Variants in DOCK9 observed in about 807,000 individuals in gnomAD.
DOCK9 encodes dedicator of cytokinesis protein 9.
DOCK9 carries 89 observed loss-of-function variants against 263.3 expected under a neutral mutation model. The observed-to-expected ratio is 0.34, with a 90% CI of 0.28 to 0.40. DOCK9 has a LOEUF of 0.40. Among genes scored for constraint, DOCK9 ranks in the 10% least tolerant of loss-of-function variants. The pLI is 1.00. For synonymous variants in DOCK9, 976 were observed against 973.1 expected (o/e 1.00, Z -0.06); for missense variants, 2,140 against 2,603.4 (o/e 0.82, Z 3.87).
chr13:98,914,370 A>G lies in DOCK9; in HGVS notation c.918T>C (p.Gly306=). The part of the protein sequence containing the change: ...HEDDEQSKLE[G]SGSGLDSYLP... ...GGTAGCTATCTAAACCGGAACCAGA[A>G]CCTTCCAATTTGCTTTGTTCATCAT... The change falls in exon 9 of 53, where the codon GGT becomes GGC. Residue 306 remains glycine, a synonymous_variant. Transcript: ENST00000682017. 6.2e-7 allele frequency: 1 copy of G among 1,609,874 alleles called. No individual in the cohort carries two copies. The highest frequency in any genetic ancestry group is 8.5e-7 in the Non-Finnish European group (1 of 1,178,260).
At chr13:99,076,934 G>T (rs557397407) in intron 1 of DOCK9, among the ~76,000 whole-genome samples, 1 of 152,268 alleles carries the variant, frequency 6.6e-6, no homozygotes, top group East Asian at 1.9e-4. Flanking sequence ...GGGTGGATAG[G>T]CCAGGACATG....
intron 5 of DOCK9, 89 bp downstream of exon 5, chr13:98,923,212 TC>T (rs1206772475): frequency 5.4e-6 from 7 of 1,288,938 alleles, no homozygotes; most frequent in Non-Finnish European, 7.8e-6. Context: ...TGGCTAAATG[TC>T]GGTAATTTTC....
chr13:99,087,323 G>C (rs1363881336), upstream of DOCK9, among the ~76,000 whole-genome samples: 2 of 152,220 alleles, frequency 1.3e-5, no homozygotes. Context: ...GGCCAGCTGC[G>C]TCACCTTGGA....
chr13:98,919,917 C>T (rs201266034), intron 7 of DOCK9, among the ~76,000 whole-genome samples: 32 of 152,220 alleles, frequency 2.1e-4, no homozygotes, highest in East Asian at 5.8e-4. Flanking sequence ...CATCTTTCTG[C>T]TTTCACCCCC....
At chr13:99,041,917 C>T (rs780132788) in intron 1 of DOCK9, among the ~76,000 whole-genome samples, 1 of 152,242 alleles carries the variant, frequency 6.6e-6, no homozygotes, top group Non-Finnish European at 1.5e-5. Flanking sequence ...AAGAAAAATT[C>T]TCTCCTTAAG....
At position 98,879,895 on chromosome 13, in the gene DOCK9, T is replaced by C; in HGVS notation, c.2943+3A>G. On this transcript the variant is annotated splice_donor_region_variant and intron_variant, in intron 27 of 52. Transcript: ENST00000682017. ...ACACAAGCTTCCACTTGAAGTAACATACCTTAACTTTGGAGTTCTCTATCA... is the reference window on the plus strand; with the variant it reads ...ACACAAGCTTCCACTTGAAGTAACACACCTTAACTTTGGAGTTCTCTATCA... 3 of 1,603,952 alleles carry C rather than the reference T, an allele frequency of 1.9e-6. No individual in the cohort carries two copies. Among genetic ancestry groups the C allele is most frequent in the Non-Finnish European group, 2.5e-6 (3 of 1,177,102 alleles).
At chr13:98,941,448 G>A (rs1356078173) in intron 2 of DOCK9, among the ~76,000 whole-genome samples, 1 of 152,156 alleles carries the variant, frequency 6.6e-6, no homozygotes, top group African/African-American at 2.4e-5. Context: ...ATTTCATTCT[G>A]CCACCTTCTC....
upstream of DOCK9, among the ~76,000 whole-genome samples, chr13:98,978,457 G>C (rs1706403623): frequency 1.3e-5 from 2 of 152,160 alleles, no homozygotes; most frequent in Admixed American, 1.3e-4. Flanking sequence ...AGAGCTACCA[G>C]CAAGTATGTT....
rs2045054289 is a variant in DOCK9, at chr13:98,882,949, TCCAAGGGGTGAGAACACCACTCACCA to T, written c.2559+67_2559+92del. On this transcript the variant is annotated intron_variant, in intron 23 of 52. Transcript: ENST00000682017. Reference sequence around the variant, plus strand: ...GATGTGAGACATCCAGGTAAGAGCTTCCAAGGGGTGAGAACACCACTCACCACCAAAGAGAAAACCCAACCTACTCC... The same window carrying T: ...GATGTGAGACATCCAGGTAAGAGCTTCCAAAGAGAAAACCCAACCTACTCC... 3 of 1,037,160 alleles carry T rather than the reference TCCAAGGGGTGAGAACACCACTCACCA, an allele frequency of 2.9e-6. No homozygotes were observed. The African/African-American group carries it at 4.9e-5, about 17-fold the overall frequency. 64.2% of individuals were successfully genotyped at this position (1,037,160 alleles called of 1,614,324 possible).
intron 9 of DOCK9, among the ~76,000 whole-genome samples, chr13:98,909,150 A>C (rs1355282343): frequency 1.3e-5 from 2 of 152,208 alleles, no homozygotes; most frequent in African/African-American, 4.8e-5. Context: ...CAGAAAATGC[A>C]CAATGGCAGA....
chr13:99,068,629 C>T (rs1019227430), intron 1 of DOCK9, among the ~76,000 whole-genome samples: 4 of 151,618 alleles, frequency 2.6e-5, no homozygotes, highest in Non-Finnish European at 5.9e-5. Context: ...CAGTTTTTCA[C>T]GAACTCCACA....
intron 29 of DOCK9, 67 bp from the exon 30 acceptor site, chr13:98,867,603 A>T: frequency 9.6e-7 from 1 of 1,038,870 alleles, no homozygotes; most frequent in South Asian, 1.4e-5. Flanking sequence ...TAAAAAACCT[A>T]TTAGCAATAG....
intron 37 of DOCK9, chr13:98,846,682 C>T (rs1009266458): frequency 3.3e-6 from 2 of 611,944 alleles, no homozygotes; most frequent in South Asian, 3.0e-5. Flanking sequence ...GACACCTGTC[C>T]CCTGTCCCGG....
intron 1 of DOCK9, among the ~76,000 whole-genome samples, chr13:99,024,118 T>C (rs1305344805): frequency 2.0e-5 from 3 of 152,140 alleles, no homozygotes; most frequent in African/African-American, 4.8e-5. Flanking sequence ...AATAAATCCA[T>C]AAATGCTGAT....
At chr13:99,068,128 C>T (rs2041506768) in intron 1 of DOCK9, among the ~76,000 whole-genome samples, 1 of 152,144 alleles carries the variant, frequency 6.6e-6, no homozygotes, top group South Asian at 2.1e-4. Flanking sequence ...ATTCAAGAAA[C>T]CCTCATCTGC....
intron 1 of DOCK9, among the ~76,000 whole-genome samples, chr13:99,052,593 T>G (rs1056507767): frequency 2.0e-5 from 3 of 152,084 alleles, no homozygotes; most frequent in African/African-American, 4.8e-5. Context: ...GCCCTTTTTT[T>G]TGGGGAGGTT....
chr13:98,893,575 T>C (rs921698463), intron 15 of DOCK9, among the ~76,000 whole-genome samples: 1 of 152,222 alleles, frequency 6.6e-6, no homozygotes, highest in Non-Finnish European at 1.5e-5. Context: ...AAGTGGCTTA[T>C]GAGCTTTGGC....
intron 1 of DOCK9, among the ~76,000 whole-genome samples, chr13:99,045,670 G>T (rs1357845364): frequency 6.6e-6 from 1 of 152,054 alleles, no homozygotes; most frequent in African/African-American, 2.4e-5. Flanking sequence ...TAGCTTGATT[G>T]AACCATTCCA....
At chr13:98,822,533 G>C (rs1375526148) in intron 45 of DOCK9, among the ~76,000 whole-genome samples, 1 of 152,208 alleles carries the variant, frequency 6.6e-6, no homozygotes, top group African/African-American at 2.4e-5. Flanking sequence ...GGTGGTTTCT[G>C]CAAGGAGACA....
Sources: gnomAD v4.1 joint callset for allele counts (sites outside exome capture counted in the v4.1 genomes callset) on GRCh38, gnomAD v4.1.1 for gene constraint, MANE v1.5 for transcripts, NCBI Gene and HGNC (gene_info 2026-07-23, HGNC 2026-07-21) for gene names.